The following DYRK1A variants were observed in gnomAD, a reference collection of about 807,000 sequenced individuals.
DYRK1A encodes dual specificity tyrosine-phosphorylation-regulated kinase 1A.
Under a neutral mutation model 79.7 loss-of-function variants are expected in DYRK1A, and 9 were observed. That is an observed-to-expected ratio of 0.11 (90% CI 0.07 to 0.20). The LOEUF (loss-of-function observed/expected upper bound fraction) is 0.20. DYRK1A is among the 10% of genes least tolerant of loss of function. The pLI, the probability that DYRK1A is intolerant of heterozygous loss-of-function variation, is 1.00. For synonymous variants in DYRK1A, 349 were observed against 329.7 expected (o/e 1.06, Z -0.63); for missense variants, 622 against 956.0 (o/e 0.65, Z 4.61).
At chr21:37,438,354 C>T (rs531846603) in intron 2 of DYRK1A, among the ~76,000 whole-genome samples, 1 of 152,104 alleles carries the variant, frequency 6.6e-6, no homozygotes, top group Non-Finnish European at 1.5e-5. Context: ...TTTATGAAAG[C>T]TGCTTTTGGA....
chr21:37,507,836 C>T (rs1251543435), intron 11 of DYRK1A, among the ~76,000 whole-genome samples: 1 of 152,156 alleles, frequency 6.6e-6, no homozygotes, highest in Non-Finnish European at 1.5e-5. Context: ...TCACCATCCT[C>T]ATGCTAGTTG....
chr21:37,434,734 T>A (rs1420986047), intron 2 of DYRK1A, among the ~76,000 whole-genome samples: 1 of 152,224 alleles, frequency 6.6e-6, no homozygotes, highest in East Asian at 1.9e-4. Flanking sequence ...TATTAAAGTT[T>A]GTCGTAATAA....
chr21:37,462,034 G>A (rs1333610959), intron 2 of DYRK1A, among the ~76,000 whole-genome samples: 3 of 151,404 alleles, frequency 2.0e-5, no homozygotes, highest in Non-Finnish European at 2.9e-5. Context: ...GTTCCTTTTC[G>A]TAGATTCTAT....
intron 1 of DYRK1A, among the ~76,000 whole-genome samples, chr21:37,387,067 G>C (rs1451610069): frequency 6.6e-6 from 1 of 152,160 alleles, no homozygotes; most frequent in Non-Finnish European, 1.5e-5. Context: ...TGCTTTCCTT[G>C]AGCACATGCC....
chr21:37,500,761 T>A (rs2053418381), intron 9 of DYRK1A, among the ~76,000 whole-genome samples: 1 of 151,952 alleles, frequency 6.6e-6, no homozygotes, highest in Admixed American at 6.5e-5. Flanking sequence ...ATCAATAATA[T>A]TTTACTATAA....
intron 7 of DYRK1A, among the ~76,000 whole-genome samples, chr21:37,492,440 G>C (rs1478548820): frequency 6.6e-6 from 1 of 152,210 alleles, no homozygotes; most frequent in Admixed American, 6.5e-5. Context: ...TTGGATGGAG[G>C]TAGAGAGAGA....
intron 2 of DYRK1A, among the ~76,000 whole-genome samples, chr21:37,462,990 C>T (rs964466486): frequency 6.6e-6 from 1 of 152,258 alleles, no homozygotes; most frequent in South Asian, 2.1e-4. Flanking sequence ...AATACAAATT[C>T]CTAAGGGTAA....
At chr21:37,462,385 C>A (rs1165287447) in intron 2 of DYRK1A, among the ~76,000 whole-genome samples, 1 of 152,138 alleles carries the variant, frequency 6.6e-6, no homozygotes, top group Non-Finnish European at 1.5e-5. Flanking sequence ...CAGGGGCCAG[C>A]CTTTACTGTA....
At chr21:37,399,588 T>A (rs1434535391) in intron 1 of DYRK1A, among the ~76,000 whole-genome samples, 1 of 152,206 alleles carries the variant, frequency 6.6e-6, no homozygotes, top group Non-Finnish European at 1.5e-5. Context: ...CATTTTAACA[T>A]TTACTGTTCT....
At chr21:37,400,377 T>C (rs1010212763) in intron 1 of DYRK1A, among the ~76,000 whole-genome samples, 3 of 152,210 alleles carry the variant, frequency 2.0e-5, no homozygotes, top group African/African-American at 7.2e-5. Context: ...GATGTAGATA[T>C]CTTTTGGTGG....
chr21:37,457,150 A>T (rs1341568599), intron 2 of DYRK1A, among the ~76,000 whole-genome samples: 1 of 151,908 alleles, frequency 6.6e-6, no homozygotes, highest in African/African-American at 2.4e-5. Context: ...GCTCACTGCA[A>T]ACTGACTCCT....
At chr21:37,375,647 T>G (rs2049524400) in intron 1 of DYRK1A, among the ~76,000 whole-genome samples, 1 of 148,206 alleles carries the variant, frequency 6.7e-6, no homozygotes, top group Non-Finnish European at 1.5e-5. Flanking sequence ...TGCCTCAGCC[T>G]CCCGAGTAGC....
intron 1 of DYRK1A, among the ~76,000 whole-genome samples, chr21:37,385,291 C>T (rs1170435389): frequency 6.6e-6 from 1 of 152,154 alleles, no homozygotes; most frequent in Non-Finnish European, 1.5e-5. Context: ...GCTGAGTCCA[C>T]TGCTTTAGGG....
intron 1 of DYRK1A, among the ~76,000 whole-genome samples, chr21:37,418,053 A>G (rs2050392207): frequency 6.6e-6 from 1 of 152,212 alleles, no homozygotes; most frequent in African/African-American, 2.4e-5. Context: ...TCGTATCTGT[A>G]GCTTATCTGC....
Position 37,430,211 on chromosome 21 carries a change from G to GGTAT in DYRK1A, c.10+9830_10+9833dup, listed in dbSNP as rs1202418610. Reference sequence around the variant, plus strand: ...ACCAGTTACTTCCAGCTTGTATATAGGTATGTTCACTTACACATCTTTCTT... The same window carrying GGTAT: ...ACCAGTTACTTCCAGCTTGTATATAGGTATGTATGTTCACTTACACATCTTTCTT... On this transcript the variant is annotated intron_variant, in intron 2 of 11. Coordinates refer to ENST00000647188, the MANE Select transcript of DYRK1A (RefSeq NM_001347721.2). The GGTAT allele has an allele frequency of 6.1e-6, 5 of 815,880 alleles. No individual in the cohort carries two copies. The Admixed American group carries it at 2.5e-4, about 41-fold the overall frequency. The allele number at this position is 815,880 out of a possible 1,614,324, so 50.5% of individuals were successfully genotyped here. A position where few individuals can be genotyped will look rare whatever the true frequency, so the allele number is the denominator to read the frequency against.
chr21:37,486,326 C>T (rs947688177), intron 5 of DYRK1A, 141 bp from the exon 6 acceptor site: 1 of 547,406 alleles, frequency 1.8e-6, no homozygotes, highest in African/African-American at 2.0e-5. Flanking sequence ...GATGGCATCT[C>T]TTCTACTTAG....
At chr21:37,504,133 C>T (rs1294000500) in intron 9 of DYRK1A, 1 of 152,222 alleles carries the variant, frequency 6.6e-6, no homozygotes, top group Non-Finnish European at 1.5e-5. Context: ...GATTCTACTC[C>T]CCACTGTTTT....
At chr21:37,385,468 C>T (rs1488976572) in intron 1 of DYRK1A, among the ~76,000 whole-genome samples, 1 of 152,206 alleles carries the variant, frequency 6.6e-6, no homozygotes, top group African/African-American at 2.4e-5. Flanking sequence ...TCCTTTCTGA[C>T]ACACCCACTT....
At chr21:37,409,207 T>C (rs1193510581) in intron 1 of DYRK1A, among the ~76,000 whole-genome samples, 1 of 152,196 alleles carries the variant, frequency 6.6e-6, no homozygotes, top group African/African-American at 2.4e-5. Flanking sequence ...AATAGTAATT[T>C]AAAATATAAC....
Sources: gnomAD v4.1 joint callset for allele counts (sites outside exome capture counted in the v4.1 genomes callset) on GRCh38, gnomAD v4.1.1 for gene constraint, MANE v1.5 for transcripts, NCBI Gene and HGNC (gene_info 2026-07-23, HGNC 2026-07-21) for gene names.